The following SMR3B variants were observed in gnomAD, a reference collection of about 807,000 sequenced individuals.
SMR3B encodes the protein submaxillary gland androgen regulated protein 3B.
For missense variants in SMR3B, 114 were observed against 99.9 expected, an observed-to-expected ratio of 1.14 and a Z score of -0.60; for synonymous variants, 42 against 36.1, an observed-to-expected ratio of 1.16 and a Z score of -0.59.
Position 70,390,101 on chromosome 4 carries a change from A to G in SMR3B, c.*253A>G. Reference sequence around the variant, plus strand: ...TGCTTCCAAGAGACATTTACATAAAATTGCTTCCATTTTTGGATGAGAATG... The same window carrying G: ...TGCTTCCAAGAGACATTTACATAAAGTTGCTTCCATTTTTGGATGAGAATG... On this transcript the variant is annotated 3_prime_UTR_variant, in exon 3 of 3. Transcript: ENST00000304915. The G allele has an allele frequency of 2.6e-6, 2 of 780,884 alleles. 1 individual carries two copies. Among genetic ancestry groups the G allele is most frequent in the Non-Finnish European group, 4.4e-6 (2 of 454,048 alleles). 48.4% of individuals were successfully genotyped at this position (780,884 alleles called of 1,614,324 possible).
At chr4:70,389,410 A>G (rs1288528981) in intron 2 of SMR3B, among the ~76,000 whole-genome samples, 3 of 152,050 alleles carry the variant, frequency 2.0e-5, no homozygotes, top group Non-Finnish European at 4.4e-5. Context: ...GGCCCTCCCC[A>G]CAACATGGCA....
Position 70,389,995 on chromosome 4 carries a change from A to G in SMR3B, c.*147A>G, listed in dbSNP as rs1180516957. 6.7e-7 allele frequency: 1 copy of G among 1,489,658 alleles called. No homozygotes were observed. The highest frequency in any genetic ancestry group is 1.4e-5 in the African/African-American group (1 of 72,330). The allele number at this position is 1,489,658 out of a possible 1,614,324, so 92.3% of individuals were successfully genotyped here. On this transcript the variant is annotated 3_prime_UTR_variant, in exon 3 of 3. Coordinates refer to ENST00000304915, the MANE Select transcript of SMR3B (RefSeq NM_006685.4). ...CTGCACCCCAAATATGAACAACTGC[A>G]GCAGGTGCCACCACCACCACAAAAG...
chr4:70,384,426 G>T, intron 1 of SMR3B, 71 bp from the exon 2 acceptor site: 1 of 1,594,740 alleles, frequency 6.3e-7, no homozygotes, highest in South Asian at 1.1e-5. Flanking sequence ...ATATCCAAGT[G>T]TTGAGACATT....
At chr4:70,386,457 CAA>C (rs1218641302) in intron 2 of SMR3B, among the ~76,000 whole-genome samples, 1 of 151,430 alleles carries the variant, frequency 6.6e-6, no homozygotes, top group Non-Finnish European at 1.5e-5. Flanking sequence ...CACACACACA[CAA>C]ATAAAGCAAG....
intron 2 of SMR3B, among the ~76,000 whole-genome samples, chr4:70,389,165 TG>T (rs1278507066): frequency 1.3e-5 from 2 of 152,222 alleles, no homozygotes; most frequent in South Asian, 4.1e-4. Context: ...TCAGTTTCTT[TG>T]GCCACAACTC....
chr4:70,388,111 G>C (rs894677227), intron 2 of SMR3B, among the ~76,000 whole-genome samples: 1 of 152,108 alleles, frequency 6.6e-6, no homozygotes, highest in Non-Finnish European at 1.5e-5. Context: ...CAGAGCATTT[G>C]TGTATTTTCA....
At chr4:70,388,282 T>TA in intron 2 of SMR3B, among the ~76,000 whole-genome samples, 1 of 151,960 alleles carries the variant, frequency 6.6e-6, no homozygotes, top group East Asian at 1.9e-4. Context: ...TATTTTTTTT[T>TA]TATTTTTTAA....
At chr4:70,385,634 G>C (rs1037428954) in intron 2 of SMR3B, among the ~76,000 whole-genome samples, 2 of 148,994 alleles carry the variant, frequency 1.3e-5, no homozygotes, top group African/African-American at 5.1e-5. Context: ...TCGATCTCCT[G>C]ACCTCGTGAT....
intron 2 of SMR3B, among the ~76,000 whole-genome samples, chr4:70,386,333 G>A (rs184253871): frequency 2.0e-5 from 3 of 150,878 alleles, no homozygotes; most frequent in Admixed American, 1.3e-4. Flanking sequence ...CAGTTTAAAT[G>A]GAAATCAACC....
At chr4:70,383,969 T>C (rs1374040477) in intron 1 of SMR3B, among the ~76,000 whole-genome samples, 1 of 152,008 alleles carries the variant, frequency 6.6e-6, no homozygotes, top group Admixed American at 6.6e-5. Flanking sequence ...AACTAGGAAA[T>C]ATATTATGTG....
intron 2 of SMR3B, among the ~76,000 whole-genome samples, chr4:70,388,279 T>TTA (rs1013639542): frequency 4.0e-5 from 6 of 151,810 alleles, no homozygotes; most frequent in African/African-American, 1.2e-4. Flanking sequence ...AGCTATTTTT[T>TTA]TTTTATTTTT....
rs1732617529 is a variant in SMR3B, at chr4:70,384,378, T to A, written c.-14-119T>A. The A allele has an allele frequency of 2.0e-6, 3 of 1,494,456 alleles. No individual in the cohort carries two copies. In the East Asian group the frequency reaches 7.2e-5, roughly 36 times the overall value. 92.6% of individuals were successfully genotyped at this position (1,494,456 alleles called of 1,614,324 possible). ...GAATTCAAAATAACATTAGGCAAAT[T>A]CCCTAAAAATGCTATAGTAGGATAT... On this transcript the variant is annotated intron_variant, in intron 1 of 2. Transcript: ENST00000304915.
At chr4:70,386,410 G>A (rs1006074319) in intron 2 of SMR3B, among the ~76,000 whole-genome samples, 3 of 151,704 alleles carry the variant, frequency 2.0e-5, no homozygotes, top group Non-Finnish European at 2.9e-5. Context: ...AATATGAAGG[G>A]TAGCATGTCC....
rs1560529275 is a variant in SMR3B, at chr4:70,389,916, C to G, written c.*68C>G. ...CCTTCCCGACCAAGACCCTATCCACCTGGACCTCCATTTTTCCCTGTAAAT... is the reference window on the plus strand; with the variant it reads ...CCTTCCCGACCAAGACCCTATCCACGTGGACCTCCATTTTTCCCTGTAAAT... On this transcript the variant is annotated 3_prime_UTR_variant, in exon 3 of 3. Transcript: ENST00000304915. 1 of 1,606,930 alleles carries G rather than the reference C, an allele frequency of 6.2e-7. No individual in the cohort carries two copies. Among genetic ancestry groups the G allele is most frequent in the East Asian group, 2.2e-5 (1 of 44,832 alleles).
In SMR3B at chr4:70,389,689, G is replaced by A; in HGVS notation, c.81G>A (p.Arg27=). The A allele has an allele frequency of 6.2e-7, 1 of 1,613,912 alleles. No individual in the cohort carries two copies. The highest frequency in any genetic ancestry group is 8.5e-7 in the Non-Finnish European group (1 of 1,179,974). ...FTPGESQRGP[R]GPYPPGPLAP... Reference sequence around the variant, plus strand: ...CTGGTGAGAGTCAAAGAGGCCCCAGGGGACCATATCCACCTGGACCGCTGG... The same window carrying A: ...CTGGTGAGAGTCAAAGAGGCCCCAGAGGACCATATCCACCTGGACCGCTGG... Residue 27 remains arginine, a synonymous_variant, in exon 3 of 3, where the codon AGG becomes AGA. Transcript: ENST00000304915.
At chr4:70,386,060 G>A (rs1377020105) in intron 2 of SMR3B, among the ~76,000 whole-genome samples, 7 of 151,678 alleles carry the variant, frequency 4.6e-5, no homozygotes, top group Non-Finnish European at 1.0e-4. Context: ...GTAACTTGAG[G>A]TTAGGGGTTC....
intron 2 of SMR3B, among the ~76,000 whole-genome samples, chr4:70,386,594 G>T (rs6600825): frequency 3.0e-4 from 45 of 152,012 alleles, no homozygotes; most frequent in African/African-American, 9.2e-4. Context: ...CTTCGAGAGC[G>T]TAGTGTTTCT....
chr4:70,388,597 C>T (rs1732707334), intron 2 of SMR3B, among the ~76,000 whole-genome samples: 2 of 152,288 alleles, frequency 1.3e-5, no homozygotes, highest in South Asian at 4.2e-4. Context: ...TCCACACTCA[C>T]CCAACCTCTA....
chr4:70,384,368 T>C, intron 1 of SMR3B, 129 bp from the exon 2 acceptor site: 1 of 1,461,474 alleles, frequency 6.8e-7, no homozygotes, highest in Non-Finnish European at 9.2e-7. Flanking sequence ...CAAAATAACA[T>C]TAGGCAAATT....
Sources: gnomAD v4.1 joint callset for allele counts (sites outside exome capture counted in the v4.1 genomes callset) on GRCh38, gnomAD v4.1.1 for gene constraint, MANE v1.5 for transcripts, NCBI Gene and HGNC (gene_info 2026-07-23, HGNC 2026-07-21) for gene names.